The following MARCHF1 variants were observed in gnomAD, a reference collection of about 807,000 sequenced individuals.
The protein encoded by MARCHF1 is E3 ubiquitin-protein ligase MARCHF1.
MARCHF1 carries 40 observed loss-of-function variants against 54.2 expected under a neutral mutation model. That is an observed-to-expected ratio of 0.74 (90% CI 0.57 to 0.96). MARCHF1 has a LOEUF of 0.96. Ranked by LOEUF, MARCHF1 falls within the 40% of genes least tolerant of loss-of-function variation. The probability of loss-of-function intolerance (pLI) is 0.00; values close to 1 mark genes in which losing one functional copy is unlikely to be tolerated. For synonymous variants in MARCHF1, 236 were observed against 236.3 expected, an observed-to-expected ratio of 1.00 and a Z score of 0.01; for missense variants, 586 against 656.5, an observed-to-expected ratio of 0.89 and a Z score of 1.17.
At chr4:163,653,871 G>A (rs1743053950) in intron 5 of MARCHF1, among the ~76,000 whole-genome samples, 1 of 151,688 alleles carries the variant, frequency 6.6e-6, no homozygotes, top group Non-Finnish European at 1.5e-5. Flanking sequence ...TAATATTGGA[G>A]TTATAAATGT....
intron 1 of MARCHF1, among the ~76,000 whole-genome samples, chr4:164,131,171 A>G (rs1262415019): frequency 2.0e-5 from 3 of 152,104 alleles, no homozygotes; most frequent in Admixed American, 1.3e-4. Context: ...GCTTTACTTG[A>G]GGTGCTAAGG....
chr4:164,206,557 A>G (rs1446212547), intron 1 of MARCHF1, among the ~76,000 whole-genome samples: 2 of 152,200 alleles, frequency 1.3e-5, no homozygotes, highest in African/African-American at 4.8e-5. Context: ...TTAAAACACA[A>G]ATTAAAAGAA....
chr4:163,897,523 CAT>C (rs1750837171), intron 3 of MARCHF1, among the ~76,000 whole-genome samples: 1 of 152,056 alleles, frequency 6.6e-6, no homozygotes, highest in Non-Finnish European at 1.5e-5. Context: ...AAAATAGACA[CAT>C]AGGTACATGA....
intron 1 of MARCHF1, among the ~76,000 whole-genome samples, chr4:164,380,348 T>C (rs567460834): frequency 1.3e-5 from 2 of 152,246 alleles, no homozygotes; most frequent in Non-Finnish European, 2.9e-5. Context: ...TTCCAAATCA[T>C]TTTTGTACAC....
chr4:164,232,729 A>T (rs1338372025), intron 1 of MARCHF1, among the ~76,000 whole-genome samples: 3 of 152,198 alleles, frequency 2.0e-5, no homozygotes, highest in Admixed American at 6.5e-5. Context: ...GAATTGTGAC[A>T]GTAAAATAAA....
At chr4:164,012,456 T>C (rs771763878) in intron 2 of MARCHF1, among the ~76,000 whole-genome samples, 2 of 152,098 alleles carry the variant, frequency 1.3e-5, no homozygotes, top group African/African-American at 2.4e-5. Flanking sequence ...AGGGATTCCA[T>C]TGCCTTGATA....
intron 2 of MARCHF1, among the ~76,000 whole-genome samples, chr4:164,074,324 C>T (rs746742850): frequency 1.3e-5 from 2 of 152,096 alleles, no homozygotes; most frequent in South Asian, 2.1e-4. Context: ...ACAACAAGTT[C>T]CGAGTAAGTA....
At chr4:163,930,476 G>A (rs1005978148) in intron 3 of MARCHF1, among the ~76,000 whole-genome samples, 22 of 139,940 alleles carry the variant, frequency 1.6e-4, no homozygotes, top group African/African-American at 5.5e-4. Context: ...TTTGAAAATG[G>A]TGTTTTTTTT....
intron 2 of MARCHF1, among the ~76,000 whole-genome samples, chr4:164,098,800 T>C (rs925909336): frequency 1.3e-5 from 2 of 152,188 alleles, no homozygotes; most frequent in Admixed American, 6.6e-5. Context: ...TTCATAACTC[T>C]TGTCTGACCA....
chr4:163,905,458 C>T (rs1164191345), intron 3 of MARCHF1, among the ~76,000 whole-genome samples: 2 of 151,990 alleles, frequency 1.3e-5, no homozygotes, highest in Non-Finnish European at 2.9e-5. Context: ...CAATATTGAG[C>T]TAACTTCAAT....
intron 1 of MARCHF1, among the ~76,000 whole-genome samples, chr4:164,249,632 A>G (rs1733065621): frequency 6.6e-6 from 1 of 151,924 alleles, no homozygotes; most frequent in Admixed American, 6.6e-5. Context: ...ATATTTCAAG[A>G]AGTTTTTTCT....
intron 3 of MARCHF1, among the ~76,000 whole-genome samples, chr4:163,895,818 G>A (rs1750793772): frequency 6.6e-6 from 1 of 152,104 alleles, no homozygotes; most frequent in African/African-American, 2.4e-5. Flanking sequence ...TATGACATGG[G>A]TAATGCACAA....
Position 163,838,415 on chromosome 4 carries a change from C to G in MARCHF1, c.111+15606G>C, listed in dbSNP as rs138321427. 2.4e-4 allele frequency among the ~76,000 whole-genome samples: 37 copies of G among 152,016 alleles called. No homozygotes were observed. In the East Asian group the frequency reaches 6.8e-3, roughly 28 times the overall value. On this transcript the variant is annotated intron_variant, in intron 4 of 9. Transcript: ENST00000514618. ...TGTTCAGTATAGACACAATTTTTTT[C>G]TATTTTGGCTCCAACATTGGTTGAA...
At chr4:163,947,682 A>C (rs941099004) in intron 3 of MARCHF1, among the ~76,000 whole-genome samples, 2 of 152,244 alleles carry the variant, frequency 1.3e-5, no homozygotes, top group African/African-American at 4.8e-5. Context: ...TCTCAACTTC[A>C]TAACTATATA....
chr4:163,959,647 T>C (rs12640438), intron 3 of MARCHF1, among the ~76,000 whole-genome samples: 8,991 of 151,194 alleles, frequency 0.059, 525 homozygotes, highest in East Asian at 0.18. Context: ...TTCCTTACGC[T>C]ATATAAAAAA....
intron 5 of MARCHF1, among the ~76,000 whole-genome samples, chr4:163,617,390 C>T (rs1741549615): frequency 6.6e-6 from 1 of 152,078 alleles, no homozygotes; most frequent in Non-Finnish European, 1.5e-5. Context: ...GTTGGATGTT[C>T]CCCACAGAAA....
At position 163,707,135 on chromosome 4, in the gene MARCHF1, T is replaced by C. The variant is rs115781183; in HGVS notation, c.112-6272A>G. ...CTTAAATGTTAAAGATTAAAAAATC[T>C]TTGAAATAAGTCTAAATTATGAATT... On this transcript the variant is annotated intron_variant, in intron 4 of 9. Coordinates refer to ENST00000514618, the MANE Select transcript of MARCHF1 (RefSeq NM_001394959.1). 2.0e-3 allele frequency among the ~76,000 whole-genome samples: 311 copies of C among 152,196 alleles called. 1 individual carries two copies. The highest frequency in any genetic ancestry group is 7.1e-3 in the African/African-American group (297 of 41,572).
chr4:164,075,491 G>A (rs1754957779), intron 2 of MARCHF1, among the ~76,000 whole-genome samples: 1 of 152,184 alleles, frequency 6.6e-6, no homozygotes, highest in African/African-American at 2.4e-5. Flanking sequence ...CAGCCATAAG[G>A]AGCAGAGCCA....
intron 5 of MARCHF1, among the ~76,000 whole-genome samples, chr4:163,671,587 GGCTAA>G (rs1261727816): frequency 4.6e-5 from 7 of 152,098 alleles, no homozygotes; most frequent in African/African-American, 1.7e-4. Context: ...TCACATAAAT[GGCTAA>G]CCAGGTGCCA....
Sources: gnomAD v4.1 joint callset for allele counts (sites outside exome capture counted in the v4.1 genomes callset) on GRCh38, gnomAD v4.1.1 for gene constraint, MANE v1.5 for transcripts, NCBI Gene and HGNC (gene_info 2026-07-23, HGNC 2026-07-21) for gene names.